The following JAK2 variants were observed in gnomAD, a reference collection of about 807,000 sequenced individuals.
JAK2 encodes the protein tyrosine-protein kinase JAK2.
A neutral mutation model predicts 139.3 loss-of-function variants in JAK2; 86 were observed. The observed-to-expected ratio is 0.62, with a 90% CI of 0.52 to 0.74. The LOEUF (loss-of-function observed/expected upper bound fraction) is 0.74. Among genes scored for constraint, JAK2 ranks in the 30% least tolerant of loss-of-function variants. The pLI is 0.00. For synonymous variants in JAK2, 490 were observed against 437.7 expected, an observed-to-expected ratio of 1.12 and a Z score of -1.49; for missense variants, 1,421 against 1,360.3, an observed-to-expected ratio of 1.04 and a Z score of -0.70.
At chr9:5,016,865 C>G (rs1230959202) in intron 2 of JAK2, among the ~76,000 whole-genome samples, 1 of 152,110 alleles carries the variant, frequency 6.6e-6, no homozygotes, top group Admixed American at 6.5e-5. Flanking sequence ...GTGAACAGTT[C>G]TGCTAAAATA....
At chr9:5,016,890 A>G (rs1822101179) in intron 2 of JAK2, among the ~76,000 whole-genome samples, 1 of 152,238 alleles carries the variant, frequency 6.6e-6, no homozygotes, top group Admixed American at 6.5e-5. Context: ...AGAGGGAATA[A>G]CAAAGAAGTA....
At chr9:5,095,007 A>C (rs1165247880) in intron 22 of JAK2, 3 of 152,106 alleles carry the variant, frequency 2.0e-5, no homozygotes. Context: ...CCAGCATTCC[A>C]CCCCAAACAT....
intron 2 of JAK2, among the ~76,000 whole-genome samples, chr9:5,011,623 C>G (rs555868741): frequency 6.6e-6 from 1 of 151,602 alleles, no homozygotes; most frequent in South Asian, 2.1e-4. Context: ...ATATTTGGGT[C>G]TGCTTTGGGT....
At position 5,124,603 on chromosome 9, in the gene JAK2, G is replaced by A. The variant is rs115153550; in HGVS notation, c.3177+1482G>A. The stretch of plus-strand genomic sequence containing the variant: ...CAAAAAGAGCCCTAATAGCAAAAGC[G>A]ATTCTAAGCAAAAAGAACAAAGCTG... On this transcript the variant is annotated intron_variant, in intron 23 of 24. Coordinates refer to ENST00000381652, the MANE Select transcript of JAK2 (RefSeq NM_004972.4). 2.7e-3 allele frequency among the ~76,000 whole-genome samples: 409 copies of A among 151,688 alleles called. 3 individuals carry two copies. The highest frequency in any genetic ancestry group is 9.5e-3 in the African/African-American group (396 of 41,484).
chr9:5,091,045 C>CT (rs929411025), intron 22 of JAK2, 134 bp downstream of exon 22: 19,640 of 501,566 alleles, frequency 0.039, no homozygotes, highest in South Asian at 0.054. Flanking sequence ...TTACATTTAA[C>CT]TTTTTTTTTT....
upstream of JAK2, chr9:4,984,549 G>T (rs1887429): frequency 0.35 from 53,742 of 152,268 alleles, 11,330 homozygotes; most frequent in African/African-American, 0.59. Context: ...GCTCTCGAGG[G>T]CGCATTGCCA....
At chr9:5,041,943 C>A in intron 4 of JAK2, 1 of 385,524 alleles carries the variant, frequency 2.6e-6, no homozygotes, top group South Asian at 2.0e-5. Context: ...GTTTCTTCCC[C>A]CTGAATCTTC....
At chr9:5,077,801 C>G (rs1157515941) in intron 15 of JAK2, among the ~76,000 whole-genome samples, 3 of 152,148 alleles carry the variant, frequency 2.0e-5, no homozygotes, top group Non-Finnish European at 2.9e-5. Context: ...TATCTTAGAA[C>G]TACTAATAGA....
intron 8 of JAK2, among the ~76,000 whole-genome samples, chr9:5,063,525 C>T (rs1474528598): frequency 6.6e-6 from 1 of 152,102 alleles, no homozygotes; most frequent in Admixed American, 6.5e-5. Context: ...TTTTCTAAAT[C>T]TCATGTTTGC....
At chr9:5,031,439 T>C (rs1287963216) in intron 4 of JAK2, among the ~76,000 whole-genome samples, 1 of 152,176 alleles carries the variant, frequency 6.6e-6, no homozygotes, top group Non-Finnish European at 1.5e-5. Flanking sequence ...AACATAATAA[T>C]ATGAAGAAAT....
At chr9:5,010,708 T>G (rs181256513) in intron 2 of JAK2, among the ~76,000 whole-genome samples, 71 of 152,376 alleles carry the variant, frequency 4.7e-4, no homozygotes, top group African/African-American at 1.6e-3. Context: ...TCTTCATTCC[T>G]TTCTGTAAAC....
In JAK2 at chr9:5,128,736, C is replaced by T. The variant is rs929060794; in HGVS notation, c.*1945C>T. On this transcript the variant is annotated 3_prime_UTR_variant, in exon 25 of 25. Transcript: ENST00000381652. ...AAGAGACTTCTTTTCATTGAGGCTT[C>T]GTAAAGTTTTCCATTTTGATTCTGA... Among the ~76,000 whole-genome samples, 3 of 151,790 alleles carry T rather than the reference C, an allele frequency of 2.0e-5. No individual in the cohort carries two copies. The highest frequency in any genetic ancestry group is 1.9e-4 in the East Asian group (1 of 5,196).
intron 22 of JAK2, among the ~76,000 whole-genome samples, chr9:5,116,102 T>C (rs758982750): frequency 6.6e-6 from 1 of 152,182 alleles, no homozygotes; most frequent in Non-Finnish European, 1.5e-5. Context: ...AGGCTTACAT[T>C]GGGCTAAATG....
At chr9:5,022,833 TTC>T (rs765669181) in intron 3 of JAK2, among the ~76,000 whole-genome samples, 1 of 152,340 alleles carries the variant, frequency 6.6e-6, no homozygotes, top group South Asian at 2.1e-4. Context: ...TTTTTAAATG[TTC>T]TTTTAATAGA....
At chr9:5,111,391 G>A in intron 22 of JAK2, 1 of 379,750 alleles carries the variant, frequency 2.6e-6, no homozygotes, top group South Asian at 2.0e-5. Context: ...GGCGGACAGA[G>A]GCGGACAGCG....
At chr9:5,117,382 T>C (rs1029308693) in intron 22 of JAK2, among the ~76,000 whole-genome samples, 6 of 152,236 alleles carry the variant, frequency 3.9e-5, no homozygotes, top group African/African-American at 7.2e-5. Flanking sequence ...TTTAGAAAGA[T>C]AGCTCTACTT....
intron 2 of JAK2, among the ~76,000 whole-genome samples, chr9:4,994,346 T>TA (rs1439575939): frequency 3.9e-5 from 6 of 152,196 alleles, no homozygotes; most frequent in African/African-American, 1.2e-4. Flanking sequence ...CACTGGTTCT[T>TA]ATCAGAATTA....
At chr9:5,067,227 A>G (rs1466536810) in intron 10 of JAK2, among the ~76,000 whole-genome samples, 1 of 152,178 alleles carries the variant, frequency 6.6e-6, no homozygotes, top group Admixed American at 6.5e-5. Context: ...ACAAACAAAT[A>G]GAAACATTAA....
At chr9:5,077,117 T>TA (rs1047114468) in intron 14 of JAK2, among the ~76,000 whole-genome samples, 74 of 151,804 alleles carry the variant, frequency 4.9e-4, no homozygotes, top group Middle Eastern at 3.4e-3. Flanking sequence ...TCTAAAAAGT[T>TA]ATGTGGAAGA....
Sources: gnomAD v4.1 joint callset for allele counts (sites outside exome capture counted in the v4.1 genomes callset) on GRCh38, gnomAD v4.1.1 for gene constraint, MANE v1.5 for transcripts, NCBI Gene and HGNC (gene_info 2026-07-23, HGNC 2026-07-21) for gene names.